Variants in SLCO2A1 observed in about 807,000 individuals in gnomAD.
The protein encoded by SLCO2A1 is matrin F/G 1.
In SLCO2A1, 60 loss-of-function variants were observed where a neutral mutation model predicts 71.7. The observed-to-expected ratio is 0.84, with a 90% CI of 0.68 to 1.04. SLCO2A1 has a LOEUF of 1.04. SLCO2A1 is among the 50% of genes least tolerant of loss of function. SLCO2A1 has a pLI of 0.00. For synonymous variants in SLCO2A1, 308 were observed against 326.7 expected (o/e 0.94, Z 0.62); for missense variants, 745 against 813.4 (o/e 0.92, Z 1.02).
chr3:133,941,026 G>T (rs1933407436), intron 11 of SLCO2A1, among the ~76,000 whole-genome samples: 1 of 152,156 alleles, frequency 6.6e-6, no homozygotes, highest in Non-Finnish European at 1.5e-5. Flanking sequence ...AAGGATAACT[G>T]ACACACCCTA....
chr3:133,991,753 G>A (rs1934851502), intron 1 of SLCO2A1, among the ~76,000 whole-genome samples: 1 of 152,294 alleles, frequency 6.6e-6, no homozygotes, highest in East Asian at 1.9e-4. Context: ...GGCCGGAGGA[G>A]CCAGGCCTCC....
intron 1 of SLCO2A1, among the ~76,000 whole-genome samples, chr3:134,028,372 G>T (rs1415698283): frequency 6.6e-6 from 1 of 152,186 alleles, no homozygotes; most frequent in Non-Finnish European, 1.5e-5. Context: ...AACCAAAACT[G>T]CGCACAACAT....
chr3:133,956,700 C>A (rs1357171929), intron 3 of SLCO2A1, among the ~76,000 whole-genome samples: 2 of 152,120 alleles, frequency 1.3e-5, no homozygotes, highest in Non-Finnish European at 2.9e-5. Flanking sequence ...TAATATGCAA[C>A]CTTTTAGAAT....
intron 1 of SLCO2A1, among the ~76,000 whole-genome samples, chr3:134,021,721 G>T (rs945913971): frequency 4.6e-5 from 7 of 151,548 alleles, no homozygotes; most frequent in Non-Finnish European, 1.0e-4. Context: ...GAGAGACAAA[G>T]TCAAAGAGAG....
At chr3:133,954,939 A>G (rs1177484206) in intron 4 of SLCO2A1, 27 bp downstream of exon 4, 1 of 1,594,558 alleles carries the variant, frequency 6.3e-7, no homozygotes, top group Non-Finnish European at 8.6e-7. Context: ...ACCCCTCCCC[A>G]AAGCCCTCTT....
chr3:133,985,510 C>T (rs1459479760), intron 1 of SLCO2A1, among the ~76,000 whole-genome samples: 3 of 152,158 alleles, frequency 2.0e-5, no homozygotes, highest in Admixed American at 6.5e-5. Context: ...ATGAATTACA[C>T]GGGCTGCATT....
intron 1 of SLCO2A1, among the ~76,000 whole-genome samples, chr3:133,987,142 C>CG (rs1471175430): frequency 1.3e-4 from 16 of 121,950 alleles, no homozygotes; most frequent in African/African-American, 4.0e-4. Flanking sequence ...CCCCCCCCCC[C>CG]GCCCCCGCCC....
At chr3:133,935,711 T>C (rs1933250898) in intron 13 of SLCO2A1, 63 bp downstream of exon 13, 1 of 1,478,990 alleles carries the variant, frequency 6.8e-7, no homozygotes, top group Non-Finnish European at 9.1e-7. Context: ...ACTGGGCATA[T>C]GACTACTGTC....
chr3:133,951,058 G>A, intron 6 of SLCO2A1, 150 bp downstream of exon 6: 1 of 1,019,844 alleles, frequency 9.8e-7, no homozygotes, highest in East Asian at 2.4e-5. Context: ...ACCTCTTAAA[G>A]CCTCTGGGAA....
intron 1 of SLCO2A1, among the ~76,000 whole-genome samples, chr3:133,981,988 A>C (rs1384893525): frequency 6.6e-6 from 1 of 151,738 alleles, no homozygotes; most frequent in African/African-American, 2.4e-5. Context: ...AAAAAAAAAA[A>C]AAAAAACAAA....
intron 1 of SLCO2A1, among the ~76,000 whole-genome samples, chr3:133,996,164 G>A (rs1199443189): frequency 6.6e-6 from 1 of 152,216 alleles, no homozygotes; most frequent in Non-Finnish European, 1.5e-5. Context: ...GAAGAAGTTA[G>A]TGCCCTGGCA....
chr3:133,954,047 G>A (rs1402687316), intron 4 of SLCO2A1, among the ~76,000 whole-genome samples: 1 of 152,108 alleles, frequency 6.6e-6, no homozygotes, highest in African/African-American at 2.4e-5. Context: ...CTCCCTGTGG[G>A]TACGATGCTG....
chr3:133,960,931 G>A (rs1934021193), intron 3 of SLCO2A1, among the ~76,000 whole-genome samples: 1 of 152,012 alleles, frequency 6.6e-6, no homozygotes, highest in Non-Finnish European at 1.5e-5. Flanking sequence ...GAGAAAGAGA[G>A]TGTGGAAGGG....
Position 133,933,078 on chromosome 3 carries a change from G to C in SLCO2A1, c.*1635C>G, listed in dbSNP as rs1314632559. On this transcript the variant is annotated 3_prime_UTR_variant, in exon 14 of 14. Coordinates refer to ENST00000310926, the MANE Select transcript of SLCO2A1 (RefSeq NM_005630.3). The stretch of plus-strand genomic sequence containing the variant: ...TAAATATTTTGGCATATCACCATAT[G>C]AGGCTTTTCCAGAGGTGGCTTCCAG... 1 of 152,440 alleles carries C rather than the reference G, an allele frequency of 6.6e-6. No individual in the cohort carries two copies. The highest frequency in any genetic ancestry group is 2.1e-4 in the South Asian group (1 of 4,834). The allele number at this position is 152,440 out of a possible 1,614,324, so 9.4% of individuals were successfully genotyped here.
intron 3 of SLCO2A1, among the ~76,000 whole-genome samples, chr3:133,955,687 G>A (rs1933883548): frequency 6.6e-6 from 1 of 152,176 alleles, no homozygotes; most frequent in Non-Finnish European, 1.5e-5. Flanking sequence ...GTTGCACCGG[G>A]TTGGTGTCAC....
At chr3:133,990,244 A>G (rs964692129) in intron 1 of SLCO2A1, among the ~76,000 whole-genome samples, 1 of 152,188 alleles carries the variant, frequency 6.6e-6, no homozygotes, top group African/African-American at 2.4e-5. Flanking sequence ...GAAATTATTG[A>G]AATCTTTCAT....
chr3:133,953,635 G>A (rs761517894), intron 5 of SLCO2A1, 28 bp downstream of exon 5: 1 of 1,574,210 alleles, frequency 6.4e-7, no homozygotes, highest in Admixed American at 1.7e-5. Context: ...GCTGGGGATG[G>A]GAATGGGTGT....
At chr3:133,977,474 T>C (rs115814301) in intron 2 of SLCO2A1, among the ~76,000 whole-genome samples, 2 of 152,248 alleles carry the variant, frequency 1.3e-5, no homozygotes, top group African/African-American at 4.8e-5. Flanking sequence ...GTTCCAAGCA[T>C]AGGGTCAACA....
chr3:133,937,332 T>C (rs1185275378), intron 12 of SLCO2A1, among the ~76,000 whole-genome samples: 1 of 152,166 alleles, frequency 6.6e-6, no homozygotes, highest in Admixed American at 6.5e-5. Flanking sequence ...TTCCTCTGTG[T>C]TTATAATGCA....
Sources: allele counts gnomAD v4.1 joint callset (sites outside exome capture counted in the v4.1 genomes callset), GRCh38; gene constraint gnomAD v4.1.1; transcripts MANE v1.5; gene names NCBI Gene and HGNC (gene_info 2026-07-23, HGNC 2026-07-21).